The following KLKB1 variants were observed in gnomAD, a reference collection of about 807,000 sequenced individuals.
The protein encoded by KLKB1 is kallikrein B1, also known as plasma kallikrein.
KLKB1 carries 58 observed loss-of-function variants against 73.6 expected under a neutral mutation model. The ratio of observed to expected loss-of-function variants is 0.79; its 90% confidence interval spans 0.64 to 0.98. The LOEUF (loss-of-function observed/expected upper bound fraction) is 0.98, where lower values mean the gene tolerates loss of function less well. KLKB1 is among the 50% of genes least tolerant of loss of function. The pLI, the probability that KLKB1 is intolerant of heterozygous loss-of-function variation, is 0.00. For synonymous variants in KLKB1, 280 were observed against 258.1 expected (o/e 1.08, Z -0.81); for missense variants, 737 against 763.8 (o/e 0.96, Z 0.41).
chr4:186,248,418 T>G (rs928869982), intron 6 of KLKB1, among the ~76,000 whole-genome samples: 6 of 152,216 alleles, frequency 3.9e-5, no homozygotes, highest in Admixed American at 1.3e-4. Context: ...AATGGAATCA[T>G]GCAATGCAGC....
intron 6 of KLKB1, among the ~76,000 whole-genome samples, chr4:186,239,701 TGTTATA>T (rs1737910312): frequency 1.1e-5 from 1 of 90,486 alleles, no homozygotes; most frequent in Admixed American, 1.2e-4. Flanking sequence ...ACAGTGATAC[TGTTATA>T]GTTATAGGAC....
chr4:186,255,152 T>C (rs1195654615), intron 12 of KLKB1, among the ~76,000 whole-genome samples: 1 of 152,076 alleles, frequency 6.6e-6, no homozygotes, highest in African/African-American at 2.4e-5. Context: ...CCAGGTATAA[T>C]TTGGGTAGGA....
At chr4:186,215,907 A>G (rs772117943) in intron 2 of KLKB1, among the ~76,000 whole-genome samples, 25 of 152,194 alleles carry the variant, frequency 1.6e-4, no homozygotes, top group Non-Finnish European at 2.9e-4. Context: ...TTTGACTCCC[A>G]TCAATAATGC....
At chr4:186,254,021 C>T (rs752606238) in intron 11 of KLKB1, among the ~76,000 whole-genome samples, 14 of 151,958 alleles carry the variant, frequency 9.2e-5, no homozygotes, top group South Asian at 2.1e-4. Flanking sequence ...TTAGTAGAGA[C>T]GAGGTTTCAT....
upstream of KLKB1, among the ~76,000 whole-genome samples, chr4:186,222,450 T>C (rs1737052547): frequency 2.0e-5 from 3 of 152,214 alleles, no homozygotes; most frequent in South Asian, 2.1e-4. Context: ...TCTTTGTGGT[T>C]ATCATGAGGT....
intron 6 of KLKB1, among the ~76,000 whole-genome samples, chr4:186,245,748 C>T (rs188813712): frequency 1.5e-4 from 23 of 149,224 alleles, no homozygotes; most frequent in South Asian, 2.1e-4. Context: ...ATCTTGAAGG[C>T]GAGGTTAATT....
intron 6 of KLKB1, among the ~76,000 whole-genome samples, chr4:186,241,030 T>C (rs1738016956): frequency 6.6e-6 from 1 of 152,190 alleles, no homozygotes; most frequent in African/African-American, 2.4e-5. Flanking sequence ...AGTTCACATG[T>C]GATTTAATCG....
Position 186,233,829 on chromosome 4 carries a change from A to G in KLKB1, c.222-123A>G, listed in dbSNP as rs1004299857. Reference sequence around the variant, plus strand: ...TCTAAGAGTGTTCTTTCCAGCAAGTATTGGGGAAGCTATATTATTTTCCTT... The same window carrying G: ...TCTAAGAGTGTTCTTTCCAGCAAGTGTTGGGGAAGCTATATTATTTTCCTT... On this transcript the variant is annotated intron_variant, in intron 3 of 14. Transcript: ENST00000264690. 1.5e-5 allele frequency: 11 copies of G among 722,360 alleles called. No individual in the cohort carries two copies. The African/African-American group carries it at 1.9e-4, about 13-fold the overall frequency. The allele number at this position is 722,360 out of a possible 1,614,324, so 44.7% of individuals were successfully genotyped here.
At chr4:186,233,433 C>A (rs150535018) in intron 3 of KLKB1, among the ~76,000 whole-genome samples, 10 of 152,076 alleles carry the variant, frequency 6.6e-5, no homozygotes, top group Non-Finnish European at 1.5e-4. Context: ...GTAGAGAAAA[C>A]TCAGATTGTA....
intron 6 of KLKB1, among the ~76,000 whole-genome samples, chr4:186,249,215 A>G (rs1738541162): frequency 6.6e-6 from 1 of 152,166 alleles, no homozygotes; most frequent in African/African-American, 2.4e-5. Context: ...GCTTTACCTA[A>G]AACGCCAAAA....
chr4:186,228,885 G>T (rs976636015), intron 2 of KLKB1: 1 of 152,230 alleles, frequency 6.6e-6, no homozygotes, highest in African/African-American at 2.4e-5. Flanking sequence ...AGTTTTCTCT[G>T]TGTCCCCACA....
At chr4:186,236,716 G>C in intron 4 of KLKB1, 65 bp from the exon 5 acceptor site, 1 of 1,523,312 alleles carries the variant, frequency 6.6e-7, no homozygotes, top group Non-Finnish European at 9.1e-7. Context: ...AAATGGTAGT[G>C]GGTATCTAAT....
At chr4:186,239,380 GT>G (rs1369013239) in intron 6 of KLKB1, among the ~76,000 whole-genome samples, 1 of 148,012 alleles carries the variant, frequency 6.8e-6, no homozygotes, top group South Asian at 2.2e-4. Flanking sequence ...AGAGTTATAG[GT>G]ACAGTGATAT....
At chr4:186,250,460 G>A (rs899241938) in intron 7 of KLKB1, 58 bp downstream of exon 7, 1 of 1,566,016 alleles carries the variant, frequency 6.4e-7, no homozygotes, top group Non-Finnish European at 8.8e-7. Context: ...AGCACTTGCT[G>A]CTGTACTTTC....
intron 6 of KLKB1, among the ~76,000 whole-genome samples, chr4:186,242,499 A>AT (rs1277637540): frequency 8.6e-5 from 13 of 152,002 alleles, no homozygotes; most frequent in African/African-American, 2.9e-4. Context: ...CTGAAGGAAT[A>AT]TTTTATGGTA....
Position 186,235,832 on chromosome 4 carries a change from G to A in KLKB1, c.329-949G>A, listed in dbSNP as rs74622538. Among the ~76,000 whole-genome samples the A allele has an allele frequency of 3.0e-3, 449 of 151,546 alleles. 3 individuals carry two copies. Among genetic ancestry groups the A allele is most frequent in the African/African-American group, 0.01 (426 of 41,296 alleles). ...GAAATTTGAATCTTTAAAAAAAAAA[G>A]AGGCCGGGCGCGGTGGCTCACGCCT... On this transcript the variant is annotated intron_variant, in intron 4 of 14. Coordinates refer to ENST00000264690, the MANE Select transcript of KLKB1 (RefSeq NM_000892.5).
At chr4:186,229,313 C>T (rs1308722009) in intron 2 of KLKB1, among the ~76,000 whole-genome samples, 1 of 152,144 alleles carries the variant, frequency 6.6e-6, no homozygotes, top group Non-Finnish European at 1.5e-5. Flanking sequence ...TCCCCAAATT[C>T]AGAAACAGTC....
chr4:186,238,148 T>TC (rs1737793807), intron 5 of KLKB1, 108 bp from the exon 6 acceptor site: 1 of 768,270 alleles, frequency 1.3e-6, no homozygotes, highest in South Asian at 1.4e-5. Flanking sequence ...CCACTCATTA[T>TC]CAGGGTCATT....
chr4:186,210,950 C>T lies in KLKB1; in HGVS notation c.201+1678C>T, dbSNP rs556088901. On this transcript the variant is annotated intron_variant, in intron 2 of 14. Coordinates refer to the KLKB1 transcript ENST00000511608. ...CTCCCAGGTTCAAGCAATTCTTCTG[C>T]CTCAGCCTCCCAAGTAGCTGGGATT... The T allele has an allele frequency of 1.1e-5, 3 of 269,662 alleles. No homozygotes were observed. In the Admixed American group the frequency reaches 1.5e-4, roughly 14 times the overall value. The allele number at this position is 269,662 out of a possible 1,614,324, so 16.7% of individuals were successfully genotyped here.
Sources: gnomAD v4.1 joint callset for allele counts (sites outside exome capture counted in the v4.1 genomes callset) on GRCh38, gnomAD v4.1.1 for gene constraint, MANE v1.5 for transcripts, NCBI Gene and HGNC (gene_info 2026-07-23, HGNC 2026-07-21) for gene names.